Variants in EIF3E observed in about 807,000 individuals in gnomAD.
The protein encoded by EIF3E is eIF-3 p48.
Under a neutral mutation model 59.3 loss-of-function variants are expected in EIF3E, and 25 were observed. The observed-to-expected ratio is 0.42, with a 90% CI of 0.31 to 0.59. The LOEUF (loss-of-function observed/expected upper bound fraction) is 0.59. EIF3E is among the 20% of genes least tolerant of loss of function. The pLI is 0.15. For missense variants in EIF3E, 317 were observed against 534.3 expected, an observed-to-expected ratio of 0.59 and a Z score of 4.01; for synonymous variants, 176 against 170.2, an observed-to-expected ratio of 1.03 and a Z score of -0.26.
intron 7 of EIF3E, among the ~76,000 whole-genome samples, chr8:108,218,782 C>CTTTTTTTTTTTTTTTTTTT (rs35642365): frequency 9.0e-6 from 1 of 111,162 alleles, no homozygotes; most frequent in African/African-American, 3.5e-5. Context: ...TATTTTATTT[C>CTTTTTTTTTTTTTTTTTTT]TTTTTTTTTT....
chr8:108,218,384 T>G (rs1815342736), intron 7 of EIF3E, among the ~76,000 whole-genome samples: 1 of 152,188 alleles, frequency 6.6e-6, no homozygotes, highest in Admixed American at 6.5e-5. Context: ...TACCTTATCT[T>G]CTAAGTTCCC....
chr8:108,233,677 GAA>G, intron 5 of EIF3E: 34 of 358,768 alleles, frequency 9.5e-5, no homozygotes, highest in Admixed American at 1.8e-4. Context: ...CTCCATCTTG[GAA>G]AAAAAAAAAT....
chr8:108,238,522 T>C (rs1276359123), intron 3 of EIF3E, among the ~76,000 whole-genome samples: 2 of 152,190 alleles, frequency 1.3e-5, no homozygotes, highest in Non-Finnish European at 2.9e-5. Context: ...TTTATTTGTA[T>C]TTTTTATTGT....
At chr8:108,230,609 T>G (rs1178539004) in intron 5 of EIF3E, among the ~76,000 whole-genome samples, 1 of 152,144 alleles carries the variant, frequency 6.6e-6, no homozygotes, top group Non-Finnish European at 1.5e-5. Context: ...TTTGGCACAC[T>G]AAGAGCAGGC....
intron 5 of EIF3E, 38 bp downstream of exon 5, chr8:108,234,960 C>CAAAAAA (rs3075616): frequency 1.1e-4 from 98 of 873,904 alleles, no homozygotes; most frequent in South Asian, 4.6e-4. Context: ...CTACAAAAGA[C>CAAAAAA]AAAAAAAAAA....
At chr8:108,221,116 G>A (rs938938194) in intron 7 of EIF3E, among the ~76,000 whole-genome samples, 23 of 151,762 alleles carry the variant, frequency 1.5e-4, no homozygotes, top group Non-Finnish European at 4.4e-5. Flanking sequence ...GAAAGGAAAA[G>A]AAAGAAAAGG....
chr8:108,248,084 C>T (rs1323237433), intron 1 of EIF3E, among the ~76,000 whole-genome samples: 1 of 151,780 alleles, frequency 6.6e-6, no homozygotes. Context: ...TCTAGAAAGT[C>T]CTACTTAACC....
chr8:108,228,180 A>T, intron 7 of EIF3E, 87 bp downstream of exon 7: 1 of 1,362,740 alleles, frequency 7.3e-7, no homozygotes, highest in Non-Finnish European at 9.7e-7. Flanking sequence ...ACAAATTCAA[A>T]TGATAGAAAA....
chr8:108,240,204 A>C, intron 2 of EIF3E, 129 bp from the exon 3 acceptor site: 1 of 775,060 alleles, frequency 1.3e-6, no homozygotes, highest in Non-Finnish European at 2.3e-6. Context: ...CAATATATTC[A>C]TATGCCATGG....
intron 1 of EIF3E, chr8:108,242,764 A>C: frequency 2.8e-6 from 2 of 713,250 alleles, no homozygotes; most frequent in South Asian, 5.4e-5. Flanking sequence ...GCAAAAGAAG[A>C]CAACCAAATG....
intron 10 of EIF3E, among the ~76,000 whole-genome samples, chr8:108,206,325 C>CA (rs1490750302): frequency 1.2e-4 from 17 of 144,132 alleles, no homozygotes; most frequent in East Asian, 4.0e-4. Context: ...ACCCCCATGT[C>CA]AAAAAAAAAG....
intron 10 of EIF3E, among the ~76,000 whole-genome samples, chr8:108,211,481 T>G (rs1291581105): frequency 6.6e-6 from 1 of 152,184 alleles, no homozygotes; most frequent in Admixed American, 6.5e-5. Flanking sequence ...ACTTTGTAGA[T>G]TCTGGATATT....
At position 108,203,168 on chromosome 8, in the gene EIF3E, C is replaced by T. The variant is rs1437358401; in HGVS notation, c.1165-51G>A. 1.9e-6 allele frequency: 3 copies of T among 1,586,552 alleles called. No individual in the cohort carries two copies. In the South Asian group the frequency reaches 3.4e-5, roughly 18 times the overall value. On this transcript the variant is annotated intron_variant, in intron 11 of 12. Transcript: ENST00000220849. ...TCCTATAATGTTAATGACTGAGTTTCTCAGGTAAGTAAAAAGCATGACATA... is the reference window on the plus strand; with the variant it reads ...TCCTATAATGTTAATGACTGAGTTTTTCAGGTAAGTAAAAAGCATGACATA...
intron 3 of EIF3E, among the ~76,000 whole-genome samples, chr8:108,237,094 A>G (rs1446324445): frequency 6.6e-6 from 1 of 152,202 alleles, no homozygotes; most frequent in Admixed American, 6.5e-5. Context: ...TACCCTACAC[A>G]ATCCTTAGGT....
chr8:108,216,246 C>T (rs530537904), intron 9 of EIF3E, among the ~76,000 whole-genome samples, 166 bp downstream of exon 9: 2 of 152,226 alleles, frequency 1.3e-5, no homozygotes, highest in East Asian at 1.9e-4. Context: ...GCCATTTAAG[C>T]CATTTTAAGG....
chr8:108,209,327 C>CT (rs914052825), intron 10 of EIF3E, among the ~76,000 whole-genome samples: 1 of 151,936 alleles, frequency 6.6e-6, no homozygotes, highest in African/African-American at 2.4e-5. Context: ...TATTTTGGGG[C>CT]TTAAAGATAT....
intron 10 of EIF3E, among the ~76,000 whole-genome samples, chr8:108,206,760 G>A (rs13281875): frequency 0.041 from 6,257 of 152,104 alleles, 212 homozygotes; most frequent in African/African-American, 0.092. Context: ...CTATGATTGC[G>A]CCACTGTACT....
intron 9 of EIF3E, among the ~76,000 whole-genome samples, chr8:108,215,020 T>C (rs530836417): frequency 1.8e-4 from 28 of 152,374 alleles, no homozygotes; most frequent in Admixed American, 5.9e-4. Context: ...CTCTTCCAAC[T>C]ATTTAAAATA....
Position 108,207,242 on chromosome 8 carries a change from A to C in EIF3E, c.1062-3739T>G, listed in dbSNP as rs374221091. ...TCTCAGCACTTTGGGAGGCCGAGGC[A>C]GGAGGACTGCTTGAGCCCAGGAATT... On this transcript the variant is annotated intron_variant, in intron 10 of 12. Coordinates refer to ENST00000220849, the MANE Select transcript of EIF3E (RefSeq NM_001568.3). Among the ~76,000 whole-genome samples, 52 of 152,314 alleles carry C rather than the reference A, an allele frequency of 3.4e-4. No homozygotes were observed. The East Asian group carries it at 5.0e-3, about 15-fold the overall frequency.
Sources: gnomAD v4.1 joint callset for allele counts (sites outside exome capture counted in the v4.1 genomes callset) on GRCh38, gnomAD v4.1.1 for gene constraint, MANE v1.5 for transcripts, NCBI Gene and HGNC (gene_info 2026-07-23, HGNC 2026-07-21) for gene names.